APOBEC3F: variants seen among roughly 807,000 people sequenced by gnomAD.
The protein encoded by APOBEC3F is DNA dC->dU-editing enzyme APOBEC-3F.
In APOBEC3F, 34 loss-of-function variants were observed where a neutral mutation model predicts 45.8. The observed-to-expected ratio is 0.74, with a 90% confidence interval of 0.57 to 0.99. The LOEUF is 0.99. APOBEC3F is among the 50% of genes least tolerant of loss of function. The probability of loss-of-function intolerance (pLI) is 0.00; values close to 1 mark genes in which losing one functional copy is unlikely to be tolerated. For missense variants in APOBEC3F, 459 were observed against 474.1 expected, an observed-to-expected ratio of 0.97 and a Z score of 0.30; for synonymous variants, 192 against 174.4, an observed-to-expected ratio of 1.10 and a Z score of -0.80.
intron 4 of APOBEC3F, among the ~76,000 whole-genome samples, chr22:39,047,052 A>G (rs1927259144): frequency 6.6e-6 from 1 of 152,150 alleles, no homozygotes; most frequent in Non-Finnish European, 1.5e-5. Context: ...CCCTTCTGTG[A>G]CATAGGGACA....
chr22:39,045,411 C>G lies in APOBEC3F; in HGVS notation c.452-17C>G. The G allele has an allele frequency of 1.9e-6, 3 of 1,614,058 alleles. No homozygotes were observed. The highest frequency in any genetic ancestry group is 2.5e-6 in the Non-Finnish European group (3 of 1,179,948). On this transcript the variant is annotated splice_polypyrimidine_tract_variant and intron_variant, in intron 3 of 6. Transcript: ENST00000308521. ...GGTCAGGGCAGAGCCTGACTGCTTC[C>G]TGCCTCTTCGTCTCAGAATTTGCAT...
Position 39,044,451 on chromosome 22 carries a change from A to G in APOBEC3F, c.172-490A>G, listed in dbSNP as rs371452597. ...TCTGGCCTCTGGGAAGTCCACTGTC[A>G]ATGCACCAGCAACTTTCCAGGGCCT... On this transcript the variant is annotated intron_variant, in intron 2 of 6. Transcript: ENST00000308521. 40 of 1,264,310 alleles carry G rather than the reference A, an allele frequency of 3.2e-5. 1 individual carries two copies. The African/African-American group carries it at 5.9e-4, about 19-fold the overall frequency. The allele number at this position is 1,264,310 out of a possible 1,614,324, so 78.3% of individuals were successfully genotyped here.
chr22:39,049,903 G>T (rs530128673), intron 5 of APOBEC3F, among the ~76,000 whole-genome samples: 1 of 151,510 alleles, frequency 6.6e-6, no homozygotes, highest in East Asian at 1.9e-4. Flanking sequence ...GGGTTTCACC[G>T]TGGTGACCAG....
At chr22:39,044,770 G>A (rs894248824) in intron 2 of APOBEC3F, among the ~76,000 whole-genome samples, 171 bp from the exon 3 acceptor site, 5 of 151,968 alleles carry the variant, frequency 3.3e-5, no homozygotes, top group African/African-American at 7.3e-5. Flanking sequence ...AACACTGAAC[G>A]TGAGCTTTGG....
chr22:39,050,134 T>C (rs1254079116), intron 5 of APOBEC3F, among the ~76,000 whole-genome samples: 2 of 151,942 alleles, frequency 1.3e-5, no homozygotes, highest in Non-Finnish European at 2.9e-5. Context: ...TGACTTTGTT[T>C]CCCAAAATCT....
intron 4 of APOBEC3F, among the ~76,000 whole-genome samples, chr22:39,046,699 T>C (rs543372736): frequency 1.4e-4 from 21 of 151,640 alleles, no homozygotes; most frequent in South Asian, 1.3e-3. Flanking sequence ...CTCACTGCAA[T>C]CTCTACCTCC....
rs1927574442 is a variant in APOBEC3F at position 39,053,026 on chromosome 22, A to T, written c.*331A>T. 5.1e-6 allele frequency: 1 copy of T among 197,874 alleles called. No individual in the cohort carries two copies. 12.3% of individuals were successfully genotyped at this position (197,874 alleles called of 1,614,324 possible). A position where few individuals can be genotyped will look rare whatever the true frequency, so the allele number is the denominator to read the frequency against. On this transcript the variant is annotated 3_prime_UTR_variant, in exon 7 of 7. Transcript: ENST00000308521. Reference sequence around the variant, plus strand: ...TTTTGAGACGGAATTTCGCTCTGTCACCCAGACTGGAGTGCAATGGCTTGA... The same window carrying T: ...TTTTGAGACGGAATTTCGCTCTGTCTCCCAGACTGGAGTGCAATGGCTTGA...
intron 3 of APOBEC3F, 72 bp downstream of exon 3, chr22:39,045,292 A>G: frequency 8.2e-6 from 13 of 1,593,772 alleles, no homozygotes; most frequent in Non-Finnish European, 1.1e-5. Flanking sequence ...CTGCAATGCC[A>G]TGGCTGGGGG....
Position 39,042,307 on chromosome 22 carries a change from TC to T in APOBEC3F, c.18-629del, listed in dbSNP as rs760028745. Among the ~76,000 whole-genome samples the T allele has an allele frequency of 2.3e-3, 327 of 142,726 alleles. 13 individuals carry two copies. The Middle Eastern group carries it at 0.025, about 11-fold the overall frequency. The allele number at this position is 142,726 out of a possible 152,430, so 93.6% of individuals were successfully genotyped here. On this transcript the variant is annotated intron_variant, in intron 1 of 6. Coordinates refer to ENST00000308521, the MANE Select transcript of APOBEC3F (RefSeq NM_145298.6). The stretch of plus-strand genomic sequence containing the variant: ...TTGGGGTGAATAGTTTTATTCTCTC[TC>T]TCTTTTTTTTTTTTTTTTTTGAGAT...
chr22:39,041,722 G>T (rs1926905707), intron 1 of APOBEC3F, among the ~76,000 whole-genome samples: 1 of 151,980 alleles, frequency 6.6e-6, no homozygotes. Context: ...AATTAGCCGG[G>T]TGTGGTGGCG....
intron 3 of APOBEC3F, 72 bp from the exon 4 acceptor site, chr22:39,045,356 A>C (rs1927159490): frequency 6.2e-7 from 1 of 1,610,070 alleles, no homozygotes; most frequent in African/African-American, 1.3e-5. Flanking sequence ...ACTGACAGCC[A>C]GGAGACCAGG....
At chr22:39,047,321 A>G (rs988028950) in intron 4 of APOBEC3F, among the ~76,000 whole-genome samples, 6 of 152,152 alleles carry the variant, frequency 3.9e-5, no homozygotes, top group African/African-American at 1.4e-4. Context: ...GTCCCTCTGG[A>G]GGTCCTCCCA....
At chr22:39,052,047 C>G (rs1927514202) in intron 5 of APOBEC3F, 27 bp from the exon 6 acceptor site, 1 of 1,610,340 alleles carries the variant, frequency 6.2e-7, no homozygotes, top group Non-Finnish European at 8.5e-7. Flanking sequence ...TCTGAGCTCC[C>G]CTGCCCTCCT....
intron 4 of APOBEC3F, 98 bp downstream of exon 4, chr22:39,045,640 C>T: frequency 6.3e-7 from 1 of 1,580,698 alleles, no homozygotes; most frequent in East Asian, 2.2e-5. Context: ...CTCCGTCCTG[C>T]CCCCTGCCTG....
chr22:39,041,256 C>T (rs943009093), intron 1 of APOBEC3F, among the ~76,000 whole-genome samples: 2 of 151,114 alleles, frequency 1.3e-5, no homozygotes, highest in African/African-American at 2.4e-5. Flanking sequence ...CTGGTGCTCC[C>T]GGCCCTGGGA....
chr22:39,042,310 C>CTT (rs759396493), intron 1 of APOBEC3F, among the ~76,000 whole-genome samples: 2,226 of 94,348 alleles, frequency 0.024, 85 homozygotes, highest in African/African-American at 0.059. Context: ...TTCTCTCTCT[C>CTT]TTTTTTTTTT....
chr22:39,044,367 T>G, intron 2 of APOBEC3F: 1 of 1,392,988 alleles, frequency 7.2e-7, no homozygotes, highest in South Asian at 1.7e-5. Context: ...GTGATGATGC[T>G]TCAACAGCAG....
chr22:39,046,376 C>G (rs4820364), intron 4 of APOBEC3F, among the ~76,000 whole-genome samples: 128,509 of 152,142 alleles, frequency 0.84, 54,711 homozygotes, highest in African/African-American at 0.95. Flanking sequence ...GTCAAGCTTG[C>G]GTGGGGCATG....
At chr22:39,050,778 T>G (rs1448690830) in intron 5 of APOBEC3F, among the ~76,000 whole-genome samples, 1 of 151,770 alleles carries the variant, frequency 6.6e-6, no homozygotes, top group Non-Finnish European at 1.5e-5. Flanking sequence ...CATGGGACAA[T>G]GTGGGTCCAA....
Sources: gnomAD v4.1 joint callset for allele counts (sites outside exome capture counted in the v4.1 genomes callset) on GRCh38, gnomAD v4.1.1 for gene constraint, MANE v1.5 for transcripts, NCBI Gene and HGNC (gene_info 2026-07-23, HGNC 2026-07-21) for gene names.